The following TLN2 variants were observed in gnomAD, a reference collection of about 807,000 sequenced individuals.
TLN2 encodes the protein talin 2, also known as talin-2.
A neutral mutation model predicts 294.7 loss-of-function variants in TLN2; 118 were observed. That is an observed-to-expected ratio of 0.40 (90% CI 0.34 to 0.47). The LOEUF (loss-of-function observed/expected upper bound fraction) is 0.47, where lower values mean the gene tolerates loss of function less well. TLN2 is among the 20% of genes least tolerant of loss of function. The probability of loss-of-function intolerance (pLI) is 0.84; values close to 1 mark genes in which losing one functional copy is unlikely to be tolerated. For missense variants in TLN2, 3,083 were observed against 3,282.2 expected, an observed-to-expected ratio of 0.94 and a Z score of 1.48; for synonymous variants, 1,431 against 1,304.5, an observed-to-expected ratio of 1.10 and a Z score of -2.09.
intron 1 of TLN2, among the ~76,000 whole-genome samples, chr15:62,515,326 G>A (rs751187167): frequency 6.6e-5 from 10 of 152,120 alleles, no homozygotes; most frequent in African/African-American, 1.7e-4. Flanking sequence ...TTGCTGCATA[G>A]TAATCCATTG....
At chr15:62,792,485 C>G (rs1176366004) in intron 45 of TLN2, among the ~76,000 whole-genome samples, 156 bp from the exon 46 acceptor site, 1 of 151,628 alleles carries the variant, frequency 6.6e-6, no homozygotes, top group Non-Finnish European at 1.5e-5. Context: ...CAAAATCAAC[C>G]AAATTCCATA....
At chr15:62,645,268 T>G (rs1268417100) in intron 3 of TLN2, 2 of 152,672 alleles carry the variant, frequency 1.3e-5, no homozygotes, top group Non-Finnish European at 2.9e-5. Context: ...TGCCAGATAT[T>G]TTGAACCCCT....
At chr15:62,517,997 T>A (rs2040265306) in intron 1 of TLN2, among the ~76,000 whole-genome samples, 1 of 152,086 alleles carries the variant, frequency 6.6e-6, no homozygotes, top group South Asian at 2.1e-4. Flanking sequence ...AGCACTGACG[T>A]CAGACTGAGC....
chr15:62,652,939 T>C (rs1359566178), intron 6 of TLN2, among the ~76,000 whole-genome samples: 1 of 152,056 alleles, frequency 6.6e-6, no homozygotes, highest in African/African-American at 2.4e-5. Flanking sequence ...GAAAAAAAAG[T>C]GTTCAAGTTT....
intron 1 of TLN2, among the ~76,000 whole-genome samples, chr15:62,414,164 CTA>C (rs780803268): frequency 0.19 from 17,484 of 90,514 alleles, 2,818 homozygotes; most frequent in Admixed American, 0.23. Context: ...AAAAAAAAAA[CTA>C]TATATATATA....
chr15:62,781,541 A>G (rs532522935), intron 44 of TLN2, among the ~76,000 whole-genome samples: 1 of 152,202 alleles, frequency 6.6e-6, no homozygotes, highest in Admixed American at 6.5e-5. Flanking sequence ...CGGGGAAAGC[A>G]AGGAATTTGT....
intron 28 of TLN2, among the ~76,000 whole-genome samples, chr15:62,729,596 C>G (rs954486289): frequency 6.6e-6 from 1 of 151,876 alleles, no homozygotes; most frequent in Non-Finnish European, 1.5e-5. Context: ...TTTTTTCATT[C>G]TTTTACTTTC....
At chr15:62,546,661 G>A (rs1401047547) in intron 1 of TLN2, among the ~76,000 whole-genome samples, 1 of 152,182 alleles carries the variant, frequency 6.6e-6, no homozygotes, top group African/African-American at 2.4e-5. Flanking sequence ...AGTTCATGAG[G>A]CCATCTTGGC....
chr15:62,430,680 G>T (rs560521059), intron 1 of TLN2, among the ~76,000 whole-genome samples: 6 of 152,190 alleles, frequency 3.9e-5, no homozygotes, highest in Admixed American at 2.6e-4. Context: ...AGCATTTACT[G>T]GTACCCTGCA....
chr15:62,575,360 A>G (rs1279611690), intron 1 of TLN2, among the ~76,000 whole-genome samples: 1 of 152,188 alleles, frequency 6.6e-6, no homozygotes, highest in Non-Finnish European at 1.5e-5. Context: ...AGGCTGATAA[A>G]CTTTTGCAAA....
intron 32 of TLN2, among the ~76,000 whole-genome samples, chr15:62,746,391 C>T (rs2061612251): frequency 1.3e-5 from 2 of 152,264 alleles, no homozygotes; most frequent in South Asian, 2.1e-4. Flanking sequence ...CGGCTGTCTC[C>T]TTGTTCTTGT....
At chr15:62,501,416 C>T (rs2039298702) in intron 1 of TLN2, among the ~76,000 whole-genome samples, 1 of 152,142 alleles carries the variant, frequency 6.6e-6, no homozygotes, top group Non-Finnish European at 1.5e-5. Context: ...TCAATTTCAT[C>T]CTTGATAGAC....
chr15:62,591,555 G>A (rs1197312815), intron 2 of TLN2, among the ~76,000 whole-genome samples: 1 of 152,164 alleles, frequency 6.6e-6, no homozygotes, highest in East Asian at 1.9e-4. Flanking sequence ...GTCACACCAT[G>A]GTCAAGGTAA....
At chr15:62,420,081 C>T (rs2034305794) in intron 1 of TLN2, among the ~76,000 whole-genome samples, 1 of 152,184 alleles carries the variant, frequency 6.6e-6, no homozygotes. Flanking sequence ...AGAACAATAA[C>T]ACCAATCAGC....
chr15:62,778,017 G>T (rs2063839858), intron 43 of TLN2, among the ~76,000 whole-genome samples: 1 of 152,188 alleles, frequency 6.6e-6, no homozygotes, highest in Non-Finnish European at 1.5e-5. Flanking sequence ...TTGTCAGATT[G>T]TGAATACATT....
chr15:62,400,816 T>TTG (rs1405199695), intron 1 of TLN2, among the ~76,000 whole-genome samples: 1 of 149,576 alleles, frequency 6.7e-6, no homozygotes, highest in African/African-American at 2.5e-5. Context: ...TTTCCGGTTT[T>TTG]TTTTTTTTTT....
chr15:62,440,082 G>T (rs1015222683), intron 1 of TLN2, among the ~76,000 whole-genome samples: 1 of 152,100 alleles, frequency 6.6e-6, no homozygotes, highest in African/African-American at 2.4e-5. Flanking sequence ...TCATTTTACA[G>T]ATGTTCATGA....
chr15:62,561,359 G>A (rs1426430834), intron 1 of TLN2: 1 of 152,240 alleles, frequency 6.6e-6, no homozygotes, highest in Non-Finnish European at 1.5e-5. Context: ...TCCTCAGCGG[G>A]TGTGTCTTCA....
At position 62,840,684 on chromosome 15, in the gene TLN2, G is replaced by C. The variant is rs979584857; in HGVS notation, c.*74G>C. ...GGACAGACAGTGTTCCTGAGAGGCT[G>C]GGCACTTAGCTGGAAACCGCCCACC... On this transcript the variant is annotated 3_prime_UTR_variant, in exon 59 of 59. Coordinates refer to ENST00000636159, the MANE Select transcript of TLN2 (RefSeq NM_015059.3). The C allele has an allele frequency of 1.2e-5, 19 of 1,544,606 alleles. No homozygotes were observed. The highest frequency in any genetic ancestry group is 1.6e-5 in the Non-Finnish European group (18 of 1,147,408).
Sources: allele counts gnomAD v4.1 joint callset (sites outside exome capture counted in the v4.1 genomes callset), GRCh38; gene constraint gnomAD v4.1.1; transcripts MANE v1.5; gene names NCBI Gene and HGNC (gene_info 2026-07-23, HGNC 2026-07-21).